Variants in BBX observed in about 807,000 individuals in gnomAD.
BBX encodes BBX high mobility group box domain containing.
BBX carries 30 observed loss-of-function variants against 100.2 expected under a neutral mutation model. That is an observed-to-expected ratio of 0.30 (90% CI 0.22 to 0.41). The LOEUF (loss-of-function observed/expected upper bound fraction) is 0.41, where lower values mean the gene tolerates loss of function less well. Among genes scored for constraint, BBX ranks in the 10% least tolerant of loss-of-function variants. BBX has a pLI of 1.00. For missense variants in BBX, 1,023 were observed against 1,129.8 expected (o/e 0.91, Z 1.35); for synonymous variants, 376 against 388.1 (o/e 0.97, Z 0.37).
chr3:107,731,543 A>G (rs2063315973), intron 6 of BBX, among the ~76,000 whole-genome samples: 1 of 152,144 alleles, frequency 6.6e-6, no homozygotes. Flanking sequence ...TCATCAAATT[A>G]GCTACTGTTT....
chr3:107,725,776 A>T (rs1266390072), intron 5 of BBX, among the ~76,000 whole-genome samples: 1 of 152,036 alleles, frequency 6.6e-6, no homozygotes, highest in Non-Finnish European at 1.5e-5. Context: ...TAAGTCAGGA[A>T]CTATGTGTCT....
intron 12 of BBX, 145 bp downstream of exon 12, chr3:107,775,002 G>A: frequency 1.1e-6 from 1 of 886,546 alleles, no homozygotes; most frequent in Non-Finnish European, 1.6e-6. Flanking sequence ...GCACCCTAGT[G>A]AACACAAATC....
At chr3:107,724,336 A>G (rs2062760514) in intron 5 of BBX, among the ~76,000 whole-genome samples, 1 of 151,664 alleles carries the variant, frequency 6.6e-6, no homozygotes, top group African/African-American at 2.4e-5. Context: ...GATTGCAAAA[A>G]TTTTCTCCCA....
intron 13 of BBX, among the ~76,000 whole-genome samples, chr3:107,780,161 G>A (rs1375607350): frequency 6.6e-6 from 1 of 152,050 alleles, no homozygotes; most frequent in African/African-American, 2.4e-5. Context: ...AGGAAAAGTA[G>A]TCCATGAGCC....
chr3:107,634,165 G>GGA (rs2056719664), intron 2 of BBX, among the ~76,000 whole-genome samples: 1 of 152,182 alleles, frequency 6.6e-6, no homozygotes, highest in Non-Finnish European at 1.5e-5. Flanking sequence ...AACAGATAAA[G>GGA]ATGACAATGC....
At chr3:107,590,977 T>TA (rs2053263488) in intron 2 of BBX, among the ~76,000 whole-genome samples, 1 of 152,340 alleles carries the variant, frequency 6.6e-6, no homozygotes, top group Admixed American at 6.5e-5. Flanking sequence ...GCCGGAAACT[T>TA]AGTTACTGAC....
At chr3:107,676,927 G>A (rs115222759) in intron 3 of BBX, among the ~76,000 whole-genome samples, 191 of 152,166 alleles carry the variant, frequency 1.3e-3, no homozygotes, top group African/African-American at 4.5e-3. Context: ...TTGTAATTGT[G>A]TTTAGCATTA....
intron 3 of BBX, among the ~76,000 whole-genome samples, chr3:107,681,577 G>C (rs2059577121): frequency 6.6e-6 from 1 of 152,040 alleles, no homozygotes; most frequent in Admixed American, 6.6e-5. Context: ...GCCAAGTAAG[G>C]AACTATCTCA....
chr3:107,785,069 A>G (rs945244063), intron 13 of BBX, among the ~76,000 whole-genome samples: 1 of 151,774 alleles, frequency 6.6e-6, no homozygotes, highest in African/African-American at 2.4e-5. Flanking sequence ...TATGAAATGA[A>G]CAATTCCTAA....
chr3:107,550,141 A>C (rs1458586519), intron 2 of BBX, among the ~76,000 whole-genome samples: 3 of 152,180 alleles, frequency 2.0e-5, no homozygotes, highest in Admixed American at 6.5e-5. Flanking sequence ...ACATGCTCAC[A>C]AGGAGTGTAT....
At chr3:107,679,174 C>A (rs1344086917) in intron 3 of BBX, among the ~76,000 whole-genome samples, 2 of 147,956 alleles carry the variant, frequency 1.4e-5, no homozygotes, top group Non-Finnish European at 3.0e-5. Flanking sequence ...TTGTGTAGTT[C>A]TTTTGAAATG....
At chr3:107,737,169 C>A (rs1235555513) in intron 7 of BBX, among the ~76,000 whole-genome samples, 1 of 152,072 alleles carries the variant, frequency 6.6e-6, no homozygotes, top group Non-Finnish European at 1.5e-5. Flanking sequence ...AACTCTCCTG[C>A]AAATAATTCT....
intron 3 of BBX, among the ~76,000 whole-genome samples, chr3:107,699,741 T>C (rs575392911): frequency 7.9e-5 from 12 of 151,910 alleles, no homozygotes; most frequent in Non-Finnish European, 1.6e-4. Context: ...AGGGAAGGGA[T>C]GTCTAGTTTC....
chr3:107,690,001 T>A (rs897276403), intron 3 of BBX, among the ~76,000 whole-genome samples: 1 of 152,190 alleles, frequency 6.6e-6, no homozygotes, highest in African/African-American at 2.4e-5. Flanking sequence ...ATAAAGGCTT[T>A]GTAAGTTATA....
intron 4 of BBX, among the ~76,000 whole-genome samples, chr3:107,712,358 T>C (rs540198504): frequency 6.6e-6 from 1 of 152,330 alleles, no homozygotes; most frequent in East Asian, 1.9e-4. Flanking sequence ...TATCCATTAG[T>C]TATCAACTAG....
At chr3:107,535,335 A>G (rs2048416174) in intron 2 of BBX, among the ~76,000 whole-genome samples, 1 of 152,164 alleles carries the variant, frequency 6.6e-6, no homozygotes, top group African/African-American at 2.4e-5. Context: ...GTTACGTGAA[A>G]AAGTCTCTGA....
chr3:107,634,860 TA>T (rs2056760369), intron 2 of BBX, among the ~76,000 whole-genome samples: 1 of 152,176 alleles, frequency 6.6e-6, no homozygotes, highest in African/African-American at 2.4e-5. Context: ...AATAAACAAA[TA>T]CTTTTGTTGT....
intron 3 of BBX, among the ~76,000 whole-genome samples, chr3:107,692,830 C>G (rs1438854878): frequency 1.3e-5 from 2 of 149,536 alleles, no homozygotes; most frequent in Non-Finnish European, 3.0e-5. Flanking sequence ...TAAAAGTGTT[C>G]CTATTTCTCC....
At chr3:107,714,701 T>C (rs1041134269) in intron 4 of BBX, among the ~76,000 whole-genome samples, 2 of 152,208 alleles carry the variant, frequency 1.3e-5, no homozygotes, top group African/African-American at 4.8e-5. Flanking sequence ...CCAAATTAGA[T>C]GGCTATGACC....
Sources: allele counts gnomAD v4.1 joint callset (sites outside exome capture counted in the v4.1 genomes callset), GRCh38; gene constraint gnomAD v4.1.1; transcripts MANE v1.5; gene names NCBI Gene and HGNC (gene_info 2026-07-23, HGNC 2026-07-21).